MED13L: variants seen among roughly 807,000 people sequenced by gnomAD.
MED13L encodes the protein mediator of RNA polymerase II transcription subunit 13-like.
MED13L carries 7 observed loss-of-function variants against 220.9 expected under a neutral mutation model. That is an observed-to-expected ratio of 0.03 (90% CI 0.02 to 0.06). The LOEUF (loss-of-function observed/expected upper bound fraction) is 0.06. MED13L is among the 10% of genes least tolerant of loss of function. The probability of loss-of-function intolerance (pLI) is 1.00; values close to 1 mark genes in which losing one functional copy is unlikely to be tolerated. For synonymous variants in MED13L, 1,011 were observed against 1,015.2 expected (o/e 1.00, Z 0.08); for missense variants, 1,965 against 2,760.5 (o/e 0.71, Z 6.46).
intron 19 of MED13L, among the ~76,000 whole-genome samples, chr12:115,985,243 C>CT (rs1877606623): frequency 6.6e-6 from 1 of 152,166 alleles, no homozygotes; most frequent in Non-Finnish European, 1.5e-5. Flanking sequence ...TTTAAAACTG[C>CT]TTACACAAAT....
chr12:116,006,001 A>C lies in MED13L; in HGVS notation c.2345-8T>G, dbSNP rs1293325845. ...CATTATCCTGCCGGACATCTGTAGG[A>C]AAGGAGGCAAAAGACACAGAATAAA... On this transcript the variant is annotated splice_polypyrimidine_tract_variant and splice_region_variant and intron_variant, in intron 12 of 30. Transcript: ENST00000281928. 7 of 1,613,770 alleles carry C rather than the reference A, an allele frequency of 4.3e-6. No individual in the cohort carries two copies. The highest frequency in any genetic ancestry group is 1.3e-5 in the African/African-American group (1 of 74,890).
chr12:116,150,998 T>C (rs17426641), intron 2 of MED13L, among the ~76,000 whole-genome samples: 5,626 of 152,272 alleles, frequency 0.037, 164 homozygotes, highest in South Asian at 0.14. Context: ...ATGCCCCTAC[T>C]ACTGTTCAAC....
chr12:116,236,634 A>G (rs1287867926), intron 2 of MED13L, among the ~76,000 whole-genome samples: 1 of 152,330 alleles, frequency 6.6e-6, no homozygotes, highest in East Asian at 1.9e-4. Context: ...CTAAGTCAAA[A>G]AGAGTTAATA....
chr12:116,242,843 T>C (rs1218605850), intron 1 of MED13L, among the ~76,000 whole-genome samples: 1 of 152,228 alleles, frequency 6.6e-6, no homozygotes, highest in East Asian at 1.9e-4. Flanking sequence ...ATTTAAAGTA[T>C]AAATTCTTTC....
chr12:116,139,650 T>C (rs1009658844), intron 2 of MED13L, among the ~76,000 whole-genome samples: 2 of 152,136 alleles, frequency 1.3e-5, no homozygotes, highest in Non-Finnish European at 2.9e-5. Flanking sequence ...TTGTCGCACA[T>C]AGTACCTAGC....
At chr12:116,165,256 ATCCTTT>A (rs1160385920) in intron 2 of MED13L, among the ~76,000 whole-genome samples, 2 of 121,108 alleles carry the variant, frequency 1.7e-5, no homozygotes, top group African/African-American at 7.1e-5. Flanking sequence ...AGTAGGCACC[ATCCTTT>A]TTTTTTTTTT....
intron 4 of MED13L, among the ~76,000 whole-genome samples, chr12:116,066,950 A>G (rs972827715): frequency 6.6e-6 from 1 of 152,194 alleles, no homozygotes; most frequent in Non-Finnish European, 1.5e-5. Flanking sequence ...AAGCATTACA[A>G]ATAAGAAATG....
At chr12:116,205,833 T>G (rs1275059534) in intron 2 of MED13L, among the ~76,000 whole-genome samples, 1 of 151,878 alleles carries the variant, frequency 6.6e-6, no homozygotes, top group African/African-American at 2.4e-5. Flanking sequence ...GCCTCACCAC[T>G]GCGATAATCA....
At chr12:116,248,401 G>A (rs1178712314) in intron 1 of MED13L, among the ~76,000 whole-genome samples, 1 of 152,024 alleles carries the variant, frequency 6.6e-6, no homozygotes, top group East Asian at 1.9e-4. Flanking sequence ...CATAGATATG[G>A]GGGGTTAAGG....
chr12:116,080,911 G>A (rs1871198962), intron 4 of MED13L, among the ~76,000 whole-genome samples: 1 of 152,142 alleles, frequency 6.6e-6, no homozygotes, highest in African/African-American at 2.4e-5. Flanking sequence ...AGAACTGTTA[G>A]GTATTTCTTT....
rs928334967 is a variant in MED13L at position 115,968,067 on chromosome 12, C to T, written c.6225+873G>A. Reference sequence around the variant, plus strand: ...GGGAATAAAAGTCCCCCCCCCCCCCCGATGAAAACTGAAGTCCTTTATGTC... The same window carrying T: ...GGGAATAAAAGTCCCCCCCCCCCCCTGATGAAAACTGAAGTCCTTTATGTC... On this transcript the variant is annotated intron_variant, in intron 28 of 30. Transcript: ENST00000281928. 4.4e-5 allele frequency among the ~76,000 whole-genome samples: 5 copies of T among 114,814 alleles called. 1 individual carries two copies. The highest frequency in any genetic ancestry group is 3.4e-4 in the East Asian group (1 of 2,952). 75.3% of individuals were successfully genotyped at this position (114,814 alleles called of 152,430 possible). A position where few individuals can be genotyped will look rare whatever the true frequency, so the allele number is the denominator to read the frequency against.
At chr12:116,086,200 C>T (rs1871665763) in intron 4 of MED13L, among the ~76,000 whole-genome samples, 1 of 151,950 alleles carries the variant, frequency 6.6e-6, no homozygotes, top group Non-Finnish European at 1.5e-5. Context: ...ACAACAAAAA[C>T]AGACCTAACA....
chr12:116,012,805 A>G lies in MED13L; in HGVS notation c.1272T>C (p.Ser424=). 1.2e-6 allele frequency: 2 copies of G among 1,611,888 alleles called. No individual in the cohort carries two copies. The highest frequency in any genetic ancestry group is 1.7e-6 in the Non-Finnish European group (2 of 1,177,968). ...FVDPTQRVSC[S]CSRHKLLKRC... ...CCTTTTTTATTACCTACCTGGAACAAGAACAGCTGACTCTTTGGGTTGGAT... is the reference window on the plus strand; with the variant it reads ...CCTTTTTTATTACCTACCTGGAACAGGAACAGCTGACTCTTTGGGTTGGAT... The change falls in exon 9 of 31, where the codon TCT becomes TCC. Residue 424 remains serine (S), a synonymous_variant. Transcript: ENST00000281928.
In MED13L at chr12:115,986,269, G is replaced by A. The variant is rs17426184; in HGVS notation, c.4335C>T (p.Tyr1445=). 5.6e-6 allele frequency: 9 copies of A among 1,613,482 alleles called. No homozygotes were observed. The highest frequency in any genetic ancestry group is 4.0e-5 in the African/African-American group (3 of 74,880). Residue 1445 remains tyrosine (Y), a synonymous_variant, in exon 19 of 31, where the codon TAC becomes TAT. Coordinates refer to ENST00000281928, the MANE Select transcript of MED13L (RefSeq NM_015335.5). ...ATTTTCACAGTAACTTCCTCACCTC[G>A]TATACAGCACTCAAGTCCCTGAAGA... ...KTFFRDLSAV[Y]EMCRLGQHKP...
chr12:116,193,512 C>T (rs1319649743), intron 2 of MED13L, among the ~76,000 whole-genome samples: 2 of 151,766 alleles, frequency 1.3e-5, no homozygotes, highest in Admixed American at 1.3e-4. Context: ...TGTGAGTCAT[C>T]TAATTATTTT....
At chr12:116,253,863 G>T (rs1871801455) in intron 1 of MED13L, among the ~76,000 whole-genome samples, 1 of 145,560 alleles carries the variant, frequency 6.9e-6, no homozygotes, top group East Asian at 2.1e-4. Flanking sequence ...GGGTTCAAGA[G>T]ATTCTCGTGC....
intron 2 of MED13L, among the ~76,000 whole-genome samples, chr12:116,201,909 C>A (rs1190187521): frequency 6.6e-6 from 1 of 152,212 alleles, no homozygotes; most frequent in East Asian, 1.9e-4. Context: ...ATCATCAAAA[C>A]TCCATGAAAG....
Sources: allele counts gnomAD v4.1 joint callset (sites outside exome capture counted in the v4.1 genomes callset), GRCh38; gene constraint gnomAD v4.1.1; transcripts MANE v1.5; gene names NCBI Gene and HGNC (gene_info 2026-07-23, HGNC 2026-07-21).